The following EPB41L3 variants were observed in gnomAD, a reference collection of about 807,000 sequenced individuals.
The protein encoded by EPB41L3 is erythrocyte membrane protein band 4.1 like 3.
A neutral mutation model predicts 127.1 loss-of-function variants in EPB41L3; 57 were observed. That is an observed-to-expected ratio of 0.45 (90% CI 0.36 to 0.56). The LOEUF is 0.56. Ranked by LOEUF, EPB41L3 falls within the 20% of genes least tolerant of loss-of-function variation. The probability of loss-of-function intolerance (pLI) is 0.00; values close to 1 mark genes in which losing one functional copy is unlikely to be tolerated. For synonymous variants in EPB41L3, 572 were observed against 549.5 expected (o/e 1.04, Z -0.57); for missense variants, 1,273 against 1,372.2 (o/e 0.93, Z 1.14).
At chr18:5,401,895 A>C (rs2143313198) in intron 16 of EPB41L3, among the ~76,000 whole-genome samples, 1 of 152,290 alleles carries the variant, frequency 6.6e-6, no homozygotes, top group Non-Finnish European at 1.5e-5. Flanking sequence ...ATATTCTGGA[A>C]GATTAACTGA....
intron 3 of EPB41L3, among the ~76,000 whole-genome samples, chr18:5,446,792 A>G (rs1298349661): frequency 6.6e-6 from 1 of 152,268 alleles, no homozygotes; most frequent in African/African-American, 2.4e-5. Flanking sequence ...TATTATGAAA[A>G]TAAATTACTC....
In EPB41L3 at chr18:5,476,899, TC is replaced by T. The variant is rs139862580; in HGVS notation, c.381+1341del. ...AGGCAAGAAATAGTTTTGTGCACGG[TC>T]CTTGGGGATTCCTGCAGCAGCCCAT... On this transcript the variant is annotated intron_variant, in intron 3 of 22. Coordinates refer to ENST00000341928, the MANE Select transcript of EPB41L3 (RefSeq NM_012307.5). Among the ~76,000 whole-genome samples the T allele has an allele frequency of 3.1e-3, 479 of 152,270 alleles. 2 individuals are homozygous for T. Among genetic ancestry groups the T allele is most frequent in the African/African-American group, 0.011 (464 of 41,568 alleles).
intron 3 of EPB41L3, among the ~76,000 whole-genome samples, chr18:5,476,836 G>A (rs1257247972): frequency 3.3e-5 from 5 of 152,126 alleles, no homozygotes; most frequent in South Asian, 2.1e-4. Context: ...AATTGGACAC[G>A]CTGGCCTAAG....
At chr18:5,458,672 A>G (rs930792791) in intron 3 of EPB41L3, among the ~76,000 whole-genome samples, 10 of 151,714 alleles carry the variant, frequency 6.6e-5, no homozygotes, top group African/African-American at 2.4e-4. Context: ...AACAGTTTGG[A>G]AGCATTAACT....
At chr18:5,550,991 T>G (rs2093955745) in intron 3 of EPB41L3, among the ~76,000 whole-genome samples, 1 of 152,230 alleles carries the variant, frequency 6.6e-6, no homozygotes. Flanking sequence ...CTGCTTAGAT[T>G]TATACAAGTC....
chr18:5,395,733 T>TG (rs1450849856), intron 19 of EPB41L3, 26 bp from the exon 20 acceptor site: 1 of 1,582,864 alleles, frequency 6.3e-7, no homozygotes, highest in South Asian at 1.1e-5. Flanking sequence ...CATAGACCCC[T>TG]CATCCAGGTG....
intron 1 of EPB41L3, among the ~76,000 whole-genome samples, chr18:5,624,281 C>T (rs1470694572): frequency 6.6e-6 from 1 of 152,190 alleles, no homozygotes; most frequent in African/African-American, 2.4e-5. Context: ...AGGTGTGAGC[C>T]ACGGTGTCTG....
chr18:5,471,668 A>G (rs1295368507), intron 3 of EPB41L3, among the ~76,000 whole-genome samples: 1 of 152,222 alleles, frequency 6.6e-6, no homozygotes, highest in Non-Finnish European at 1.5e-5. Context: ...CAGAGCGTTT[A>G]CCTGTGAGTC....
chr18:5,417,063 T>C (rs543670911), intron 12 of EPB41L3, among the ~76,000 whole-genome samples: 2 of 152,222 alleles, frequency 1.3e-5, no homozygotes, highest in Non-Finnish European at 2.9e-5. Flanking sequence ...TTGGCTCCTT[T>C]ATTTAGGATA....
Position 5,482,146 on chromosome 18 carries a change from T to C in EPB41L3, c.184-3708A>G, listed in dbSNP as rs144262992. 1.4e-4 allele frequency among the ~76,000 whole-genome samples: 21 copies of C among 152,238 alleles called. No individual in the cohort carries two copies. The East Asian group carries it at 3.9e-3, about 28-fold the overall frequency. On this transcript the variant is annotated intron_variant, in intron 2 of 22. Transcript: ENST00000341928. ...AAAAGCAATTCAGAAATTTATCAGATAAATTTGATGAAGAGATTGAAATAC... is the reference window on the plus strand; with the variant it reads ...AAAAGCAATTCAGAAATTTATCAGACAAATTTGATGAAGAGATTGAAATAC...
chr18:5,494,093 C>T (rs1480761992), intron 1 of EPB41L3, among the ~76,000 whole-genome samples: 2 of 152,116 alleles, frequency 1.3e-5, no homozygotes, highest in Non-Finnish European at 2.9e-5. Context: ...GCTTCAGATC[C>T]ATAAATACAA....
intron 1 of EPB41L3, among the ~76,000 whole-genome samples, chr18:5,493,743 C>T (rs964381745): frequency 2.6e-5 from 4 of 152,136 alleles, no homozygotes; most frequent in African/African-American, 9.7e-5. Context: ...CTCATGCTGT[C>T]ACCACATCCT....
intron 14 of EPB41L3, among the ~76,000 whole-genome samples, 155 bp from the exon 15 acceptor site, chr18:5,407,891 T>TCA (rs1218552635): frequency 6.6e-6 from 1 of 152,200 alleles, no homozygotes; most frequent in African/African-American, 2.4e-5. Flanking sequence ...CACAACATTC[T>TCA]CACACACAAT....
chr18:5,588,134 A>C (rs985982766), intron 3 of EPB41L3, among the ~76,000 whole-genome samples: 1 of 152,192 alleles, frequency 6.6e-6, no homozygotes, highest in African/African-American at 2.4e-5. Flanking sequence ...CACTGGCAGA[A>C]GTTGCAAGGA....
chr18:5,582,092 C>T (rs1599103642), intron 3 of EPB41L3, among the ~76,000 whole-genome samples: 3 of 152,312 alleles, frequency 2.0e-5, no homozygotes, highest in South Asian at 2.1e-4. Context: ...CGTTTTACAT[C>T]GAACTAGAAA....
intron 3 of EPB41L3, among the ~76,000 whole-genome samples, chr18:5,596,598 T>C: frequency 6.6e-6 from 1 of 152,198 alleles, no homozygotes; most frequent in South Asian, 2.1e-4. Flanking sequence ...TAGTTTTACC[T>C]GATATTGCTG....
intron 3 of EPB41L3, among the ~76,000 whole-genome samples, chr18:5,453,875 C>T (rs1483314895): frequency 5.9e-5 from 9 of 152,250 alleles, no homozygotes; most frequent in South Asian, 2.1e-4. Flanking sequence ...TTATTTTGGA[C>T]GAATCTAACA....
chr18:5,520,843 A>G (rs1171578413), intron 1 of EPB41L3, among the ~76,000 whole-genome samples: 2 of 152,160 alleles, frequency 1.3e-5, no homozygotes, highest in Non-Finnish European at 2.9e-5. Context: ...ATAACTTCCA[A>G]AGGGCCTTTC....
chr18:5,585,312 T>A (rs1280831152), intron 3 of EPB41L3, among the ~76,000 whole-genome samples: 1 of 152,128 alleles, frequency 6.6e-6, no homozygotes, highest in Non-Finnish European at 1.5e-5. Flanking sequence ...TATTTATGGT[T>A]TTTTTGGTTG....
Sources: allele counts gnomAD v4.1 joint callset (sites outside exome capture counted in the v4.1 genomes callset), GRCh38; gene constraint gnomAD v4.1.1; transcripts MANE v1.5; gene names NCBI Gene and HGNC (gene_info 2026-07-23, HGNC 2026-07-21).